Variants in MAD1L1 observed in about 807,000 individuals in gnomAD.
The protein encoded by MAD1L1 is mitotic spindle assembly checkpoint protein MAD1.
In MAD1L1, 95 loss-of-function variants were observed where a neutral mutation model predicts 96.9. The observed-to-expected ratio is 0.98, with a 90% CI of 0.83 to 1.16. The LOEUF is 1.16. Ranked by LOEUF, MAD1L1 falls within the 50% of genes most tolerant of loss-of-function variation. The pLI, the probability that MAD1L1 is intolerant of heterozygous loss-of-function variation, is 0.00. For synonymous variants in MAD1L1, 473 were observed against 396.6 expected (o/e 1.19, Z -2.29); for missense variants, 1,007 against 954.4 (o/e 1.06, Z -0.73).
intron 18 of MAD1L1, among the ~76,000 whole-genome samples, chr7:1,837,473 G>A (rs1273644167): frequency 6.6e-6 from 1 of 152,186 alleles, no homozygotes; most frequent in Non-Finnish European, 1.5e-5. Context: ...AGAAATAAAT[G>A]TCCGTGCAAA....
intron 11 of MAD1L1, among the ~76,000 whole-genome samples, chr7:2,112,697 T>C (rs1332802781): frequency 2.0e-5 from 3 of 152,152 alleles, no homozygotes; most frequent in African/African-American, 7.2e-5. Context: ...CGAGGGGCCC[T>C]GGGGCCCTGA....
At chr7:2,136,050 T>A (rs1010587105) in intron 11 of MAD1L1, among the ~76,000 whole-genome samples, 2 of 151,936 alleles carry the variant, frequency 1.3e-5, no homozygotes, top group Non-Finnish European at 2.9e-5. Flanking sequence ...AGAGCCCCTA[T>A]GTCCACTCCA....
At chr7:2,169,676 T>G (rs1247357508) in intron 10 of MAD1L1, among the ~76,000 whole-genome samples, 1 of 151,114 alleles carries the variant, frequency 6.6e-6, no homozygotes, top group Non-Finnish European at 1.5e-5. Flanking sequence ...AGGACTGAGA[T>G]CACAAAGACC....
Position 2,128,525 on chromosome 7 carries a change from T to G in MAD1L1, c.1073+20627A>C, listed in dbSNP as rs151314707. 5.9e-5 allele frequency among the ~76,000 whole-genome samples: 9 copies of G among 152,270 alleles called. No homozygotes were observed. The South Asian group carries it at 6.2e-4, about 11-fold the overall frequency. Reference sequence around the variant, plus strand: ...GAGAGGCCAGGTGACCTGCCCTGCCTGAGGGAAGGCCCTGACGGGAGTCCC... The same window carrying G: ...GAGAGGCCAGGTGACCTGCCCTGCCGGAGGGAAGGCCCTGACGGGAGTCCC... On this transcript the variant is annotated intron_variant, in intron 11 of 18. Coordinates refer to ENST00000265854, the MANE Select transcript of MAD1L1 (RefSeq NM_001013836.2).
intron 10 of MAD1L1, among the ~76,000 whole-genome samples, chr7:2,195,270 C>T (rs1182764423): frequency 6.6e-6 from 1 of 152,162 alleles, no homozygotes; most frequent in African/African-American, 2.4e-5. Context: ...ACTCAGTCTA[C>T]TAAAAATACC....
chr7:2,063,082 G>A (rs58394785), intron 12 of MAD1L1, among the ~76,000 whole-genome samples: 6,351 of 152,324 alleles, frequency 0.042, 442 homozygotes, highest in African/African-American at 0.14. Context: ...GCACGGCTCC[G>A]TCTGACAGCG....
At chr7:2,039,793 G>T (rs3996323) in intron 12 of MAD1L1, among the ~76,000 whole-genome samples, 54,028 of 151,796 alleles carry the variant, frequency 0.36, 10,659 homozygotes, top group African/African-American at 0.53. Context: ...CTTGCAAATA[G>T]TTCCTCTTTA....
chr7:2,053,487 C>T (rs1784270426), intron 12 of MAD1L1, among the ~76,000 whole-genome samples: 1 of 152,250 alleles, frequency 6.6e-6, no homozygotes, highest in African/African-American at 2.4e-5. Flanking sequence ...TGCCTCAATG[C>T]TATGAGCCGG....
At position 2,114,574 on chromosome 7, in the gene MAD1L1, G is replaced by T. The variant is rs551188071; in HGVS notation, c.1073+34578C>A. Among the ~76,000 whole-genome samples the T allele has an allele frequency of 6.6e-6, 1 of 152,388 alleles. No homozygotes were observed. Among genetic ancestry groups the T allele is most frequent in the East Asian group, 1.9e-4 (1 of 5,190 alleles). On this transcript the variant is annotated intron_variant, in intron 11 of 18. Coordinates refer to ENST00000265854, the MANE Select transcript of MAD1L1 (RefSeq NM_001013836.2). This position sits in a 1 kb window ranked among gnomAD's most constrained non-coding sequence, Gnocchi z 4.2. ...GTGGCAGAAGGATCTTCATGAAGAT[G>T]AGCATGGCTACGACTTGAACGGTGG...
intron 10 of MAD1L1, among the ~76,000 whole-genome samples, chr7:2,162,025 C>A (rs1790170186): frequency 6.9e-6 from 1 of 145,828 alleles, no homozygotes; most frequent in Admixed American, 6.7e-5. Flanking sequence ...TGCCCATCCA[C>A]CCGGCCGCCC....
At chr7:1,999,727 G>T (rs780718265) in intron 14 of MAD1L1, among the ~76,000 whole-genome samples, 1 of 152,144 alleles carries the variant, frequency 6.6e-6, no homozygotes. Flanking sequence ...ACTGCCCATC[G>T]GTAAAGCGAA....
intron 15 of MAD1L1, among the ~76,000 whole-genome samples, chr7:1,963,537 A>G (rs2128476270): frequency 6.6e-6 from 1 of 152,346 alleles, no homozygotes; most frequent in South Asian, 2.1e-4. Flanking sequence ...CAAATTCACC[A>G]CACTGCACTT....
At position 2,119,452 on chromosome 7, in the gene MAD1L1, G is replaced by A. The variant is rs1029720864; in HGVS notation, c.1073+29700C>T. On this transcript the variant is annotated intron_variant, in intron 11 of 18. Coordinates refer to ENST00000265854, the MANE Select transcript of MAD1L1 (RefSeq NM_001013836.2). The surrounding 1 kb of genome is among the most constrained non-coding windows in gnomAD (Gnocchi z 4.6). ...TGTCGTGGGGCGCACACTCTCTGTA[G>A]CTGGCCAAAGCTGGACGACGCCACA... Among the ~76,000 whole-genome samples, 1 of 152,148 alleles carries A rather than the reference G, an allele frequency of 6.6e-6. No individual in the cohort carries two copies. Among genetic ancestry groups the A allele is most frequent in the Non-Finnish European group, 1.5e-5 (1 of 68,024 alleles).
rs564357447 is a variant in MAD1L1 at position 1,912,544 on chromosome 7, C to T, written c.1808-14154G>A. On this transcript the variant is annotated intron_variant, in intron 17 of 18. Coordinates refer to ENST00000265854, the MANE Select transcript of MAD1L1 (RefSeq NM_001013836.2). Reference sequence around the variant, plus strand: ...GCTCCTCCTGGCACAGGCAGGGCTGCGGTCCCTGCCGCCGATGCATCAGAG... The same window carrying T: ...GCTCCTCCTGGCACAGGCAGGGCTGTGGTCCCTGCCGCCGATGCATCAGAG... Among the ~76,000 whole-genome samples the T allele has an allele frequency of 1.6e-3, 244 of 152,292 alleles. 2 individuals are homozygous for T. Among genetic ancestry groups the T allele is most frequent in the African/African-American group, 5.5e-3 (230 of 41,554 alleles).
At chr7:1,835,440 G>A (rs1293082767) in intron 18 of MAD1L1, among the ~76,000 whole-genome samples, 2 of 152,096 alleles carry the variant, frequency 1.3e-5, no homozygotes, top group African/African-American at 4.8e-5. Context: ...AGAAGCTACT[G>A]GAACTAACAC....
intron 10 of MAD1L1, among the ~76,000 whole-genome samples, chr7:2,210,998 C>G (rs931719987): frequency 6.6e-6 from 1 of 152,224 alleles, no homozygotes; most frequent in African/African-American, 2.4e-5. Flanking sequence ...CCCAGAGCAG[C>G]GCAGTGACTT....
chr7:1,934,296 C>T (rs188363251), intron 17 of MAD1L1, among the ~76,000 whole-genome samples: 554 of 152,314 alleles, frequency 3.6e-3, no homozygotes, highest in Non-Finnish European at 6.5e-3. Context: ...AGCCATGGCC[C>T]GGGCACCTGT....
At chr7:1,844,420 G>A (rs548286091) in intron 18 of MAD1L1, among the ~76,000 whole-genome samples, 1 of 152,242 alleles carries the variant, frequency 6.6e-6, no homozygotes, top group East Asian at 1.9e-4. Context: ...CGCCGGTTGG[G>A]TGCTCCACTG....
chr7:1,877,389 A>G lies in MAD1L1; in HGVS notation c.1998+20811T>C, dbSNP rs1785438658. Among the ~76,000 whole-genome samples the G allele has an allele frequency of 3.3e-5, 5 of 151,890 alleles. No homozygotes were observed. In the South Asian group the frequency reaches 1.0e-3, roughly 32 times the overall value. ...GTTTACTGACCCTTGCCCTAGAGCA[A>G]TAACTAAACCAAAACAGAAGAAAAC... On this transcript the variant is annotated intron_variant, in intron 18 of 18. Transcript: ENST00000265854.
Sources: gnomAD v4.1 joint callset for allele counts (sites outside exome capture counted in the v4.1 genomes callset) on GRCh38, gnomAD v4.1.1 for gene constraint, Gnocchi (gnomAD v3.1) non-coding constraint, MANE v1.5 for transcripts, NCBI Gene and HGNC (gene_info 2026-07-23, HGNC 2026-07-21) for gene names.